TGOLN2: variants seen among roughly 807,000 people sequenced by gnomAD.
The protein encoded by TGOLN2 is trans-Golgi network integral membrane protein 2.
A neutral mutation model predicts 31.3 loss-of-function variants in TGOLN2; 19 were observed. The ratio of observed to expected loss-of-function variants is 0.61; its 90% CI spans 0.42 to 0.89. The LOEUF (loss-of-function observed/expected upper bound fraction) is 0.89. Ranked by LOEUF, TGOLN2 falls within the 40% of genes least tolerant of loss-of-function variation. The pLI, the probability that TGOLN2 is intolerant of heterozygous loss-of-function variation, is 0.00. For synonymous variants in TGOLN2, 222 were observed against 226.7 expected, an observed-to-expected ratio of 0.98 and a Z score of 0.19; for missense variants, 540 against 559.2, an observed-to-expected ratio of 0.97 and a Z score of 0.35.
chr2:85,322,782 A>T, intron 3 of TGOLN2, 41 bp from the exon 4 acceptor site: 1 of 1,606,558 alleles, frequency 6.2e-7, no homozygotes, highest in Non-Finnish European at 8.5e-7. Flanking sequence ...CAGGGAAAAC[A>T]TTCAGAATTA....
intron 3 of TGOLN2, chr2:85,324,694 T>C (rs957221603): frequency 1.0e-5 from 6 of 597,526 alleles, no homozygotes; most frequent in Non-Finnish European, 1.8e-5. Context: ...AGGTAGCTGC[T>C]GTAGAGTATT....
At position 85,326,668 on chromosome 2, in the gene TGOLN2, C is replaced by T. The variant is rs1367690342; in HGVS notation, c.1064G>A (p.Arg355His). 3 of 1,613,934 alleles carry T rather than the reference C, an allele frequency of 1.9e-6. No individual in the cohort carries two copies. The highest frequency in any genetic ancestry group is 1.7e-5 in the Admixed American group (1 of 60,008). Residue 355 changes from arginine (R) to histidine (H), a missense_variant, in exon 2 of 4, where the codon CGT (arginine) becomes CAT (histidine). Coordinates refer to ENST00000377386, the MANE Select transcript of TGOLN2 (RefSeq NM_006464.4). Reference sequence around the variant, plus strand: ...CGTGGAATCCGAAAGTGTCCCTTCACGGTTCTCACTGGAGGCAGAACCGGA... The same window carrying T: ...CGTGGAATCCGAAAGTGTCCCTTCATGGTTCTCACTGGAGGCAGAACCGGA... ...KMSGSASSEN[R>H]EGTLSDSTGS...
Position 85,319,308 on chromosome 2 carries a change from G to C in TGOLN2, c.*3428C>G, listed in dbSNP as rs1489679657. On this transcript the variant is annotated 3_prime_UTR_variant, in exon 4 of 4. Transcript: ENST00000377386. ...TTCTCCTGCCTCAGCCTATCTAGTA[G>C]CTGGGACTACAGGTGCACGTCACCA... 2.7e-5 allele frequency: 4 copies of C among 150,602 alleles called. No homozygotes were observed. In the Admixed American group the frequency reaches 2.7e-4, roughly 10 times the overall value. 9.3% of individuals were successfully genotyped at this position (150,602 alleles called of 1,614,324 possible).
chr2:85,326,545 A>G lies in TGOLN2; in HGVS notation c.1187T>C (p.Val396Ala). 5 of 1,613,976 alleles carry G rather than the reference A, an allele frequency of 3.1e-6. No homozygotes were observed. Among genetic ancestry groups the G allele is most frequent in the Non-Finnish European group, 4.2e-6 (5 of 1,179,884 alleles). ...GTGATGAGCGATATAGAGGACAGCCACAAGAATGGCTGCAGTCACCAGATA... is the reference window on the plus strand; with the variant it reads ...GTGATGAGCGATATAGAGGACAGCCGCAAGAATGGCTGCAGTCACCAGATA... ...FAYLVTAAIL[V>A]AVLYIAHHNK... The change falls in exon 2 of 4, where the codon GTG becomes GCG. Residue 396 changes from valine (V) to alanine (A), a missense_variant. Transcript: ENST00000377386.
In TGOLN2 at chr2:85,327,943, A is replaced by C; in HGVS notation, c.20T>G (p.Leu7Trp). The C allele has an allele frequency of 6.2e-7, 1 of 1,602,430 alleles. No individual in the cohort carries two copies. Among genetic ancestry groups the C allele is most frequent in the East Asian group, 2.2e-5 (1 of 44,464 alleles). MRFVVA[L>W]VLLNVAAAGA... ...CGCCGCTGCGACGTTCAGGAGGACC[A>C]AGGCAACCACGAACCGCATCCTGCT... The change falls in exon 1 of 4, where the codon TTG becomes TGG. Residue 7 changes from leucine (L) to tryptophan (W), a missense_variant. By Grantham distance (61) the Leu-to-Trp change is moderately conservative. Coordinates refer to ENST00000377386, the MANE Select transcript of TGOLN2 (RefSeq NM_006464.4).
chr2:85,318,252 C>G lies in TGOLN2; in HGVS notation c.*4484G>C, dbSNP rs760640628. The G allele has an allele frequency of 3.9e-5, 6 of 152,086 alleles. No homozygotes were observed. The highest frequency in any genetic ancestry group is 7.4e-5 in the Non-Finnish European group (5 of 68,008). The allele number at this position is 152,086 out of a possible 1,614,324, so 9.4% of individuals were successfully genotyped here. On this transcript the variant is annotated 3_prime_UTR_variant, in exon 4 of 4. Coordinates refer to ENST00000377386, the MANE Select transcript of TGOLN2 (RefSeq NM_006464.4). ...TGACCATCTATTAACTGGGAAAACACAAAAGAAGAGAAACAATTTCAACCA... is the reference window on the plus strand; with the variant it reads ...TGACCATCTATTAACTGGGAAAACAGAAAAGAAGAGAAACAATTTCAACCA...
Position 85,319,675 on chromosome 2 carries a change from A to G in TGOLN2, c.*3061T>C, listed in dbSNP as rs1682484032. On this transcript the variant is annotated 3_prime_UTR_variant, in exon 4 of 4. Coordinates refer to ENST00000377386, the MANE Select transcript of TGOLN2 (RefSeq NM_006464.4). ...TCTTTAAGAGCAAACCCCAACATGT[A>G]TAAGGTCACAGCAAGTGGTAGCCAG... 6.6e-6 allele frequency: 1 copy of G among 152,126 alleles called. No individual in the cohort carries two copies. 9.4% of individuals were successfully genotyped at this position (152,126 alleles called of 1,614,324 possible).
At chr2:85,325,136 C>G in intron 2 of TGOLN2, 138 bp from the exon 3 acceptor site, 1 of 712,954 alleles carries the variant, frequency 1.4e-6, no homozygotes, top group South Asian at 1.9e-5. Context: ...TCACAGAGGT[C>G]TATTTAAACT....
Position 85,321,770 on chromosome 2 carries a change from T to C in TGOLN2, c.*966A>G, listed in dbSNP as rs546693125. ...TAGGCAACAAAGGCAAAATGGACTT[T>C]GTGGGAAATGTATCTCATAAAAGCC... On this transcript the variant is annotated 3_prime_UTR_variant, in exon 4 of 4. Coordinates refer to ENST00000377386, the MANE Select transcript of TGOLN2 (RefSeq NM_006464.4). 1.3e-5 allele frequency: 2 copies of C among 152,342 alleles called. No individual in the cohort carries two copies. The highest frequency in any genetic ancestry group is 2.1e-4 in the South Asian group (1 of 4,830). 9.4% of individuals were successfully genotyped at this position (152,342 alleles called of 1,614,324 possible).
chr2:85,323,561 G>A (rs1014121763), intron 3 of TGOLN2, among the ~76,000 whole-genome samples: 24 of 152,166 alleles, frequency 1.6e-4, no homozygotes, highest in Admixed American at 1.4e-3. Flanking sequence ...GCAAGACTCC[G>A]TCTCAAAAAC....
rs1682450772 is a variant in TGOLN2, at chr2:85,318,732, C to T, written c.*4004G>A. On this transcript the variant is annotated 3_prime_UTR_variant, in exon 4 of 4. Transcript: ENST00000377386. ...TATCAGCACATGTGTCACTGGAAGC[C>T]ATCATGGGAGTACTATGTCAGAGCG... The T allele has an allele frequency of 6.6e-6, 1 of 152,240 alleles. No individual in the cohort carries two copies. 9.4% of individuals were successfully genotyped at this position (152,240 alleles called of 1,614,324 possible). A position where few individuals can be genotyped will look rare whatever the true frequency, so the allele number is the denominator to read the frequency against.
intron 3 of TGOLN2, 33 bp downstream of exon 3, chr2:85,324,882 T>A: frequency 6.5e-7 from 1 of 1,546,338 alleles, no homozygotes; most frequent in Non-Finnish European, 8.8e-7. Context: ...ATCCCTCCTA[T>A]CCCTCCCATG....
rs568148257 is a variant in TGOLN2 at position 85,319,710 on chromosome 2, T to A, written c.*3026A>T. Reference sequence around the variant, plus strand: ...AGCAAGTGGTAGCCAGGAAAAGCTGTGGGACCCCTCATTTGAGTCACATCC... The same window carrying A: ...AGCAAGTGGTAGCCAGGAAAAGCTGAGGGACCCCTCATTTGAGTCACATCC... On this transcript the variant is annotated 3_prime_UTR_variant, in exon 4 of 4. Coordinates refer to ENST00000377386, the MANE Select transcript of TGOLN2 (RefSeq NM_006464.4). 3 of 152,256 alleles carry A rather than the reference T, an allele frequency of 2.0e-5. No homozygotes were observed. The highest frequency in any genetic ancestry group is 6.5e-5 in the Admixed American group (1 of 15,290). 9.4% of individuals were successfully genotyped at this position (152,256 alleles called of 1,614,324 possible). A position where few individuals can be genotyped will look rare whatever the true frequency, so the allele number is the denominator to read the frequency against.
chr2:85,321,706 T>A lies in TGOLN2; in HGVS notation c.*1030A>T, dbSNP rs1030218002. ...ACTGAGGTAAAATTGGCAGAGAGTA[T>A]AGTTTCTATTAATAAATCTAAGTCT... On this transcript the variant is annotated 3_prime_UTR_variant, in exon 4 of 4. Coordinates refer to ENST00000377386, the MANE Select transcript of TGOLN2 (RefSeq NM_006464.4). The A allele has an allele frequency of 1.3e-5, 2 of 152,226 alleles. No individual in the cohort carries two copies. The highest frequency in any genetic ancestry group is 2.9e-5 in the Non-Finnish European group (2 of 68,038). The allele number at this position is 152,226 out of a possible 1,614,324, so 9.4% of individuals were successfully genotyped here. A position where few individuals can be genotyped will look rare whatever the true frequency, so the allele number is the denominator to read the frequency against.
rs938054094 is a variant in TGOLN2, at chr2:85,322,420, T to C, written c.*316A>G. ...CTTTGGTCATAGCCGTGTTTCCATA[T>C]ACCCCTCCACTCACCCTCAGAGGAG... On this transcript the variant is annotated 3_prime_UTR_variant, in exon 4 of 4. Coordinates refer to ENST00000377386, the MANE Select transcript of TGOLN2 (RefSeq NM_006464.4). 187 of 462,290 alleles carry C rather than the reference T, an allele frequency of 4.0e-4. No individual in the cohort carries two copies. Among genetic ancestry groups the C allele is most frequent in the Non-Finnish European group, 6.1e-4 (160 of 263,378 alleles). The allele number at this position is 462,290 out of a possible 1,614,324, so 28.6% of individuals were successfully genotyped here. A position where few individuals can be genotyped will look rare whatever the true frequency, so the allele number is the denominator to read the frequency against.
chr2:85,326,389 G>T, intron 2 of TGOLN2, 119 bp downstream of exon 2: 6 of 953,862 alleles, frequency 6.3e-6, no homozygotes, highest in Non-Finnish European at 9.4e-6. Context: ...GGAAAAAACT[G>T]AAGTTTGTTT....
Position 85,322,651 on chromosome 2 carries a change from C to G in TGOLN2, c.*85G>C. On this transcript the variant is annotated 3_prime_UTR_variant, in exon 4 of 4. Coordinates refer to ENST00000377386, the MANE Select transcript of TGOLN2 (RefSeq NM_006464.4). ...AAATCAGCAGGGAGGACAAGGTTCT[C>G]AAGGACAAAAAAATCAAAGCTGAAA... 6.3e-7 allele frequency: 1 copy of G among 1,598,358 alleles called. No individual in the cohort carries two copies. The highest frequency in any genetic ancestry group is 8.5e-7 in the Non-Finnish European group (1 of 1,175,784).
At position 85,324,951 on chromosome 2, in the gene TGOLN2, C is replaced by T; in HGVS notation, c.1272G>A (p.Arg424=). ...LEGKRSKVTR[R]PKASDYQRLD... ...AACGTTGGTAGTCACTGGCCTTTGGCCGCCGGGTGACTTTAGATCTTTTTC... is the reference window on the plus strand; with the variant it reads ...AACGTTGGTAGTCACTGGCCTTTGGTCGCCGGGTGACTTTAGATCTTTTTC... Residue 424 remains arginine, a synonymous_variant, in exon 3 of 4, where the codon CGG becomes CGA. Transcript: ENST00000377386. The T allele has an allele frequency of 6.4e-7, 1 of 1,555,020 alleles. No individual in the cohort carries two copies. Among genetic ancestry groups the T allele is most frequent in the Non-Finnish European group, 8.7e-7 (1 of 1,148,468 alleles).
At position 85,318,241 on chromosome 2, in the gene TGOLN2, C is replaced by A. The variant is rs775458865; in HGVS notation, c.*4495G>T. On this transcript the variant is annotated 3_prime_UTR_variant, in exon 4 of 4. Transcript: ENST00000377386. ...TGTGGAAACAGTGACCATCTATTAA[C>A]TGGGAAAACACAAAAGAAGAGAAAC... 1.3e-5 allele frequency: 2 copies of A among 152,148 alleles called. No homozygotes were observed. The highest frequency in any genetic ancestry group is 4.8e-5 in the African/African-American group (2 of 41,424). The allele number at this position is 152,148 out of a possible 1,614,324, so 9.4% of individuals were successfully genotyped here. A position where few individuals can be genotyped will look rare whatever the true frequency, so the allele number is the denominator to read the frequency against.
Sources: gnomAD v4.1 joint callset for allele counts (sites outside exome capture counted in the v4.1 genomes callset) on GRCh38, gnomAD v4.1.1 for gene constraint, MANE v1.5 for transcripts, NCBI Gene and HGNC (gene_info 2026-07-23, HGNC 2026-07-21) for gene names.